RAB39A: variants seen among roughly 807,000 people sequenced by gnomAD.
RAB39A encodes the protein RAB39A, member RAS oncogene family, also known as ras-related protein Rab-39A.
In RAB39A, 17 loss-of-function variants were observed where a neutral mutation model predicts 20.9. The ratio of observed to expected loss-of-function variants is 0.81; its 90% CI spans 0.56 to 1.22. The LOEUF is 1.22. Ranked by LOEUF, RAB39A falls within the 50% of genes most tolerant of loss-of-function variation. The pLI is 0.00. For synonymous variants in RAB39A, 99 were observed against 103.4 expected (o/e 0.96, Z 0.26); for missense variants, 234 against 270.5 (o/e 0.87, Z 0.95).
intron 1 of RAB39A, among the ~76,000 whole-genome samples, chr11:107,949,396 G>A (rs1305875903): frequency 6.6e-6 from 1 of 152,036 alleles, no homozygotes; most frequent in South Asian, 2.1e-4. Context: ...AATGAAATGA[G>A]AAAAAGATTC....
In RAB39A at chr11:107,954,241, A is replaced by T. The variant is rs144783855; in HGVS notation, c.228-7705A>T. Among the ~76,000 whole-genome samples the T allele has an allele frequency of 4.6e-5, 7 of 152,354 alleles. No homozygotes were observed. In the South Asian group the frequency reaches 1.4e-3, roughly 32 times the overall value. ...AAGATTAAGTCTATTGAGCCCAGGT[A>T]CAGCTTCCATCTCCCTACCATGAGT... On this transcript the variant is annotated intron_variant, in intron 1 of 1. Transcript: ENST00000320578.
In RAB39A at chr11:107,962,594, T is replaced by C; in HGVS notation, c.*222T>C. ...CAAGCAAAGCAGACAATCTTTTTCT[T>C]GAAATTACCTCCATTCTTACTTTGT... On this transcript the variant is annotated 3_prime_UTR_variant, in exon 2 of 2. Coordinates refer to ENST00000320578, the MANE Select transcript of RAB39A (RefSeq NM_017516.3). 1 of 427,500 alleles carries C rather than the reference T, an allele frequency of 2.3e-6. No individual in the cohort carries two copies. 26.5% of individuals were successfully genotyped at this position (427,500 alleles called of 1,614,324 possible).
chr11:107,947,732 C>G (rs1473177473), intron 1 of RAB39A, among the ~76,000 whole-genome samples: 1 of 125,970 alleles, frequency 7.9e-6, no homozygotes, highest in Non-Finnish European at 1.6e-5. Context: ...TGAGACTTTC[C>G]AGAAACAACA....
At chr11:107,955,114 A>G (rs1389613140) in intron 1 of RAB39A, among the ~76,000 whole-genome samples, 1 of 144,294 alleles carries the variant, frequency 6.9e-6, no homozygotes, top group African/African-American at 2.6e-5. Flanking sequence ...CTCCTGCCTC[A>G]GCCTCCCGAG....
rs138170897 is a variant in RAB39A at position 107,934,980 on chromosome 11, C to G, written c.227+6185C>G. On this transcript the variant is annotated intron_variant, in intron 1 of 1. Coordinates refer to ENST00000320578, the MANE Select transcript of RAB39A (RefSeq NM_017516.3). The stretch of plus-strand genomic sequence containing the variant: ...AGACAGCCTCCCTCCTCTCCCTTCC[C>G]CACAGAATCTGGGAGCAGCCCCTAA... Among the ~76,000 whole-genome samples the G allele has an allele frequency of 7.9e-5, 12 of 152,078 alleles. No homozygotes were observed. In the East Asian group the frequency reaches 2.3e-3, roughly 29 times the overall value.
At chr11:107,954,574 A>G (rs368170509) in intron 1 of RAB39A, among the ~76,000 whole-genome samples, 4 of 152,348 alleles carry the variant, frequency 2.6e-5, no homozygotes, top group African/African-American at 7.2e-5. Flanking sequence ...AGATTCCACA[A>G]ATGGAACTTT....
intron 1 of RAB39A, among the ~76,000 whole-genome samples, chr11:107,955,389 T>G (rs1410514349): frequency 6.6e-6 from 1 of 152,070 alleles, no homozygotes; most frequent in Non-Finnish European, 1.5e-5. Context: ...TAGAGGTACT[T>G]CAGGCAGGCA....
chr11:107,954,359 T>C (rs1861412365), intron 1 of RAB39A, among the ~76,000 whole-genome samples: 1 of 152,148 alleles, frequency 6.6e-6, no homozygotes, highest in South Asian at 2.1e-4. Flanking sequence ...GGTCTTTCGG[T>C]GGCCATTCAC....
rs566219283 is a variant in RAB39A, at chr11:107,963,038, C to G, written c.*666C>G. The G allele has an allele frequency of 6.6e-6, 1 of 151,560 alleles. No individual in the cohort carries two copies. Among genetic ancestry groups the G allele is most frequent in the Non-Finnish European group, 1.5e-5 (1 of 67,932 alleles). The allele number at this position is 151,560 out of a possible 1,614,324, so 9.4% of individuals were successfully genotyped here. On this transcript the variant is annotated 3_prime_UTR_variant, in exon 2 of 2. Transcript: ENST00000320578. The stretch of plus-strand genomic sequence containing the variant: ...AAGCAAATATTTGTAAAATTAAAAA[C>G]GGAGGACCGCTCACCAAATGTTTGA...
At chr11:107,955,090 G>A (rs1052918400) in intron 1 of RAB39A, among the ~76,000 whole-genome samples, 34 of 146,326 alleles carry the variant, frequency 2.3e-4, no homozygotes, top group African/African-American at 6.4e-4. Flanking sequence ...TCCACCTCCC[G>A]GGTTCACGCC....
At chr11:107,954,356 C>T (rs377259630) in intron 1 of RAB39A, among the ~76,000 whole-genome samples, 9 of 152,194 alleles carry the variant, frequency 5.9e-5, no homozygotes, top group East Asian at 1.9e-4. Flanking sequence ...CGGGGTCTTT[C>T]GGTGGCCATT....
chr11:107,933,005 G>A (rs1454251327), intron 1 of RAB39A, among the ~76,000 whole-genome samples: 3 of 152,080 alleles, frequency 2.0e-5, no homozygotes, highest in Non-Finnish European at 2.9e-5. Flanking sequence ...TAAAGGAAAC[G>A]AGAATATTGT....
chr11:107,936,782 T>A (rs939278220), intron 1 of RAB39A, among the ~76,000 whole-genome samples: 3 of 152,018 alleles, frequency 2.0e-5, no homozygotes, highest in Non-Finnish European at 2.9e-5. Context: ...ACAAATTAGC[T>A]GTGCATGGTG....
intron 1 of RAB39A, among the ~76,000 whole-genome samples, chr11:107,943,291 G>A (rs1055330592): frequency 6.6e-6 from 1 of 152,092 alleles, no homozygotes; most frequent in African/African-American, 2.4e-5. Flanking sequence ...ATCAGGACAG[G>A]CTGGGCGCAG....
chr11:107,955,535 A>G (rs750226351), intron 1 of RAB39A, among the ~76,000 whole-genome samples: 5 of 152,152 alleles, frequency 3.3e-5, no homozygotes, highest in Non-Finnish European at 7.3e-5. Flanking sequence ...AGAGAAGCAC[A>G]TTATACTGAT....
At chr11:107,944,631 C>T (rs1363456750) in intron 1 of RAB39A, among the ~76,000 whole-genome samples, 2 of 151,880 alleles carry the variant, frequency 1.3e-5, no homozygotes, top group African/African-American at 2.4e-5. Flanking sequence ...GTGATCTGCC[C>T]GCCTCAGCCT....
intron 1 of RAB39A, among the ~76,000 whole-genome samples, chr11:107,949,299 A>T (rs1198833474): frequency 6.6e-6 from 1 of 151,948 alleles, no homozygotes; most frequent in Non-Finnish European, 1.5e-5. Context: ...ACAGAACGAG[A>T]CTCCATCTAA....
At position 107,943,052 on chromosome 11, in the gene RAB39A, A is replaced by G. The variant is rs551968641; in HGVS notation, c.227+14257A>G. Among the ~76,000 whole-genome samples the G allele has an allele frequency of 1.1e-4, 17 of 152,348 alleles. No homozygotes were observed. The South Asian group carries it at 3.3e-3, about 30-fold the overall frequency. ...TAACAAATAACCCTCCCCTCTGTGC[A>G]ATACTCAGTGACTACACTGCTACAC... On this transcript the variant is annotated intron_variant, in intron 1 of 1. Transcript: ENST00000320578.
chr11:107,952,816 G>C (rs1342476448), intron 1 of RAB39A, among the ~76,000 whole-genome samples: 5 of 152,228 alleles, frequency 3.3e-5, no homozygotes, highest in Admixed American at 3.3e-4. Context: ...CTGGGAGGTG[G>C]ATGTTGCAGT....
Sources: allele counts gnomAD v4.1 joint callset (sites outside exome capture counted in the v4.1 genomes callset), GRCh38; gene constraint gnomAD v4.1.1; transcripts MANE v1.5; gene names NCBI Gene and HGNC (gene_info 2026-07-23, HGNC 2026-07-21).